PRDX4: variants seen among roughly 807,000 people sequenced by gnomAD.
PRDX4 encodes the protein peroxiredoxin-4.
A neutral mutation model predicts 20.5 loss-of-function variants in PRDX4; 12 were observed. That is an observed-to-expected ratio of 0.58 (90% CI 0.37 to 0.95). PRDX4 has a LOEUF of 0.95. Ranked by LOEUF, PRDX4 falls within the 40% of genes least tolerant of loss-of-function variation. PRDX4 has a pLI of 0.01. For missense variants in PRDX4, 180 were observed against 207.3 expected (o/e 0.87, Z 0.81); for synonymous variants, 99 against 87.5 (o/e 1.13, Z -0.73).
In PRDX4 at chrX:23,667,509, C is replaced by T; in HGVS notation, c.-62C>T. Reference sequence around the variant, plus strand: ...GCGGGCGTCGTGCACGCGGTTGTAGCTGCCCGGCGGCGGCAGAAGCGGCGC... The same window carrying T: ...GCGGGCGTCGTGCACGCGGTTGTAGTTGCCCGGCGGCGGCAGAAGCGGCGC... On this transcript the variant is annotated 5_prime_UTR_variant, in exon 1 of 7. Coordinates refer to ENST00000379341, the MANE Select transcript of PRDX4 (RefSeq NM_006406.2). 8.9e-7 allele frequency: 1 copy of T among 1,123,540 alleles called. No individual in the cohort carries two copies. Among genetic ancestry groups the T allele is most frequent in the Admixed American group, 2.8e-5 (1 of 35,146 alleles). 92.6% of individuals were successfully genotyped at this position (1,123,540 alleles called of 1,213,427 possible).
chrX:23,681,202 C>G (rs1444009456), intron 4 of PRDX4, among the ~76,000 whole-genome samples: 1 of 106,526 alleles, frequency 9.4e-6, no homozygotes, highest in African/African-American at 3.4e-5. Context: ...CACTGCACTT[C>G]AGCCTGGGCG....
chrX:23,679,991 AAAAG>A (rs766579865), intron 4 of PRDX4, among the ~76,000 whole-genome samples: 11 of 97,590 alleles, frequency 1.1e-4, no homozygotes, highest in East Asian at 5.4e-4. Flanking sequence ...CAAAAAGAAA[AAAAG>A]AAAGAAAGAA....
chrX:23,683,780 C>G, intron 6 of PRDX4, 75 bp downstream of exon 6: 4 of 930,184 alleles, frequency 4.3e-6, no homozygotes. Flanking sequence ...CGCAGTGGCT[C>G]ACGCCTGTAA....
At chrX:23,667,904 C>T in intron 1 of PRDX4, 93 bp downstream of exon 1, 1 of 1,137,299 alleles carries the variant, frequency 8.8e-7, no homozygotes, top group Non-Finnish European at 1.2e-6. Context: ...GGCGGCACCC[C>T]CTGGGCTGCC....
intron 5 of PRDX4, among the ~76,000 whole-genome samples, chrX:23,683,154 C>T (rs1928121256): frequency 9.1e-6 from 1 of 110,129 alleles, no homozygotes; most frequent in South Asian, 3.8e-4. Flanking sequence ...TATTCAGTAT[C>T]ACATTTGTAA....
intron 4 of PRDX4, among the ~76,000 whole-genome samples, chrX:23,681,025 C>G: frequency 9.0e-6 from 1 of 111,271 alleles, no homozygotes; most frequent in Non-Finnish European, 1.9e-5. Context: ...GTCAGGAGAT[C>G]GAGACCATCC....
chrX:23,683,846 C>T, intron 6 of PRDX4, 141 bp downstream of exon 6: 1 of 375,736 alleles, frequency 2.7e-6, no homozygotes, highest in Non-Finnish European at 4.4e-6. Flanking sequence ...AGATGGAGAC[C>T]ATCCTGGCTA....
intron 4 of PRDX4, among the ~76,000 whole-genome samples, chrX:23,681,492 C>A (rs1315691378): frequency 8.9e-6 from 1 of 111,934 alleles, no homozygotes; most frequent in Non-Finnish European, 1.9e-5. Context: ...GCCTCTTTCA[C>A]GCAGCATAAT....
intron 4 of PRDX4, among the ~76,000 whole-genome samples, chrX:23,679,621 G>A (rs1362014840): frequency 9.2e-6 from 1 of 108,203 alleles, no homozygotes; most frequent in Non-Finnish European, 1.9e-5. Context: ...GGGAGGCGGA[G>A]GTTTCAGTGA....
Position 23,667,774 on chromosome X carries a change from G to A in PRDX4, c.204G>A (p.Ser68=), listed in dbSNP as rs1927760724. 8.3e-7 allele frequency: 1 copy of A among 1,211,416 alleles called. No homozygotes were observed. The highest frequency in any genetic ancestry group is 1.7e-5 in the African/African-American group (1 of 57,745). Residue 68 remains serine, a synonymous_variant, in exon 1 of 7, where the codon TCG becomes TCA. Coordinates refer to ENST00000379341, the MANE Select transcript of PRDX4 (RefSeq NM_006406.2). ...QVYPGEASRV[S]VADHSLHLSK... The stretch of plus-strand genomic sequence containing the variant: ...ACCCGGGAGAGGCATCCCGGGTATC[G>A]GTCGCCGACCACTCCCTGCACCTAA...
chrX:23,677,063 G>T (rs1249962299), intron 3 of PRDX4, among the ~76,000 whole-genome samples: 1 of 111,063 alleles, frequency 9.0e-6, no homozygotes, highest in Non-Finnish European at 1.9e-5. Flanking sequence ...CATCACTTCT[G>T]TAGTAATTAT....
intron 3 of PRDX4, among the ~76,000 whole-genome samples, chrX:23,676,136 C>CAAAAAAAAAAAAAAAA (rs55792240): frequency 9.1e-5 from 5 of 54,985 alleles, no homozygotes; most frequent in Non-Finnish European, 1.3e-4. Flanking sequence ...AACTCCATCT[C>CAAAAAAAAAAAAAAAA]AAAAAAAAAA....
In PRDX4 at chrX:23,683,720, A is replaced by G; in HGVS notation, c.765+15A>G. On this transcript the variant is annotated intron_variant, in intron 6 of 6. Transcript: ENST00000379341. ...GTAGTGAAACAGTAAGTATATATAT[A>G]TGTTTTTATGTTGAGTTGATGGTTA... is the stretch of plus-strand genomic sequence containing the variant. The G allele has an allele frequency of 8.4e-7, 1 of 1,184,581 alleles. No homozygotes were observed. Among genetic ancestry groups the G allele is most frequent in the Non-Finnish European group, 1.1e-6 (1 of 880,246 alleles).
intron 1 of PRDX4, 158 bp from the exon 2 acceptor site, chrX:23,671,371 G>T: frequency 1.1e-5 from 4 of 369,183 alleles, no homozygotes; most frequent in South Asian, 1.4e-4. Context: ...TTTCCTTTTT[G>T]CATTCAATAA....
At chrX:23,681,101 G>A (rs473769) in intron 4 of PRDX4, among the ~76,000 whole-genome samples, 6 of 108,521 alleles carry the variant, frequency 5.5e-5, no homozygotes, top group South Asian at 4.0e-4. Context: ...GCGTGGTGGC[G>A]GGTGCCTGTA....
At chrX:23,682,853 A>AAATATATATATATATATATATAT in intron 5 of PRDX4, among the ~76,000 whole-genome samples, 1 of 14,879 alleles carries the variant, frequency 6.7e-5, no homozygotes, top group Non-Finnish European at 1.3e-4. Flanking sequence ...AAAAAAAAAA[A>AAATATATATATATATATATATAT]ATATATATAT....
chrX:23,676,860 G>A (rs977806803), intron 3 of PRDX4, among the ~76,000 whole-genome samples: 1 of 110,193 alleles, frequency 9.1e-6, no homozygotes, highest in Non-Finnish European at 1.9e-5. Context: ...AAGAAAGACA[G>A]GGTCTTACTA....
chrX:23,668,663 C>A (rs1454973223), intron 1 of PRDX4, among the ~76,000 whole-genome samples: 1 of 112,174 alleles, frequency 8.9e-6, no homozygotes, highest in East Asian at 2.8e-4. Flanking sequence ...CAGTAACCTG[C>A]TTTTCCTGCA....
chrX:23,667,499 G>C lies in PRDX4; in HGVS notation c.-72G>C, dbSNP rs1927749061. On this transcript the variant is annotated 5_prime_UTR_variant, in exon 1 of 7. Coordinates refer to ENST00000379341, the MANE Select transcript of PRDX4 (RefSeq NM_006406.2). ...CCCGGTTCGCGCGGGCGTCGTGCAC[G>C]CGGTTGTAGCTGCCCGGCGGCGGCA... 2 of 1,099,147 alleles carry C rather than the reference G, an allele frequency of 1.8e-6. No individual in the cohort carries two copies. The highest frequency in any genetic ancestry group is 3.4e-5 in the East Asian group (1 of 29,668). 90.6% of individuals were successfully genotyped at this position (1,099,147 alleles called of 1,213,427 possible). A position where few individuals can be genotyped will look rare whatever the true frequency, so the allele number is the denominator to read the frequency against.
Sources: allele counts gnomAD v4.1 joint callset (sites outside exome capture counted in the v4.1 genomes callset), GRCh38; gene constraint gnomAD v4.1.1; transcripts MANE v1.5; gene names NCBI Gene and HGNC (gene_info 2026-07-23, HGNC 2026-07-21).